TMED10: variants seen among roughly 807,000 people sequenced by gnomAD.
TMED10 encodes the protein transmembrane p24 trafficking protein 10.
Under a neutral mutation model 23.1 loss-of-function variants are expected in TMED10, and 7 were observed. The ratio of observed to expected loss-of-function variants is 0.30; its 90% CI spans 0.17 to 0.57. TMED10 has a LOEUF of 0.57. Ranked by LOEUF, TMED10 falls within the 20% of genes least tolerant of loss-of-function variation. The pLI, the probability that TMED10 is intolerant of heterozygous loss-of-function variation, is 0.91. For missense variants in TMED10, 162 were observed against 274.8 expected (o/e 0.59, Z 2.90); for synonymous variants, 113 against 106.9 (o/e 1.06, Z -0.35).
Position 75,133,927 on chromosome 14 carries a change from C to G in TMED10, c.*958G>C. On this transcript the variant is annotated 3_prime_UTR_variant, in exon 5 of 5. Transcript: ENST00000303575. ...TTTTTAAAAGAAAAAAAGGAAGAAA[C>G]TATTCATACATGCAACAACTTGGAT... The G allele has an allele frequency of 3.3e-6, 1 of 299,576 alleles. No individual in the cohort carries two copies. The highest frequency in any genetic ancestry group is 6.3e-6 in the Non-Finnish European group (1 of 158,890). The allele number at this position is 299,576 out of a possible 1,614,324, so 18.6% of individuals were successfully genotyped here. A position where few individuals can be genotyped will look rare whatever the true frequency, so the allele number is the denominator to read the frequency against.
intron 3 of TMED10, among the ~76,000 whole-genome samples, chr14:75,147,185 G>GTTTTTTTTTTGTTTTTTTTT (rs1491353231): frequency 5.1e-5 from 6 of 116,634 alleles, no homozygotes; most frequent in African/African-American, 2.3e-4. Flanking sequence ...CTTCAAGGCT[G>GTTTTTTTTTTGTTTTTTTTT]TTTTTTTTTT....
chr14:75,176,108 C>G, intron 1 of TMED10: 1 of 567,328 alleles, frequency 1.8e-6, no homozygotes, highest in Non-Finnish European at 3.2e-6. Flanking sequence ...ACCGCCCCAG[C>G]TCAGGTGTCA....
chr14:75,132,384 T>TTCCC lies in TMED10; in HGVS notation c.*2500_*2501insGGGA, dbSNP rs1555355307. The TTCCC allele has an allele frequency of 5.7e-5, 3 of 52,890 alleles. No homozygotes were observed. The highest frequency in any genetic ancestry group is 7.8e-5 in the African/African-American group (1 of 12,878). 3.3% of individuals were successfully genotyped at this position (52,890 alleles called of 1,614,324 possible). A position where few individuals can be genotyped will look rare whatever the true frequency, so the allele number is the denominator to read the frequency against. On this transcript the variant is annotated 3_prime_UTR_variant, in exon 5 of 5. Transcript: ENST00000303575. ...GCCTGGGCGTTGCAGCAAGACTCCGTCCCCCCCCCCCCAAAAAAAAAAAAG... is the reference window on the plus strand; with the variant it reads ...GCCTGGGCGTTGCAGCAAGACTCCGTTCCCCCCCCCCCCCCCAAAAAAAAAAAAG...
At chr14:75,152,992 T>C (rs974703162) in intron 1 of TMED10, among the ~76,000 whole-genome samples, 3 of 152,118 alleles carry the variant, frequency 2.0e-5, no homozygotes, top group African/African-American at 7.2e-5. Context: ...CGCAGTGGCA[T>C]ATGCCTGTAG....
intron 1 of TMED10, among the ~76,000 whole-genome samples, chr14:75,164,018 GT>G (rs1291697163): frequency 6.6e-6 from 1 of 152,048 alleles, no homozygotes. Context: ...TGTTATAACT[GT>G]TGGTGATAAC....
chr14:75,175,485 G>A (rs1286580562), intron 1 of TMED10, among the ~76,000 whole-genome samples: 2 of 151,538 alleles, frequency 1.3e-5, no homozygotes, highest in Non-Finnish European at 2.9e-5. Context: ...CTATTCCATC[G>A]CAAGGACAGA....
At chr14:75,153,224 G>A (rs1024257893) in intron 1 of TMED10, among the ~76,000 whole-genome samples, 6 of 152,016 alleles carry the variant, frequency 3.9e-5, no homozygotes, top group African/African-American at 1.4e-4. Context: ...CAGGTACTGG[G>A]AAGCTTGCCG....
intron 1 of TMED10, among the ~76,000 whole-genome samples, chr14:75,165,419 G>C (rs1181301614): frequency 6.6e-6 from 1 of 151,946 alleles, no homozygotes; most frequent in East Asian, 1.9e-4. Context: ...GTAGAGACAG[G>C]GTTTCACCAT....
At chr14:75,170,465 C>G (rs946420162) in intron 1 of TMED10, among the ~76,000 whole-genome samples, 1 of 152,054 alleles carries the variant, frequency 6.6e-6, no homozygotes, top group Non-Finnish European at 1.5e-5. Context: ...GCCTAGAACA[C>G]TTTGTTGTGC....
intron 1 of TMED10, among the ~76,000 whole-genome samples, chr14:75,160,151 T>G (rs146240550): frequency 5.3e-5 from 8 of 152,350 alleles, no homozygotes; most frequent in Non-Finnish European, 1.2e-4. Context: ...ATATGGCCTG[T>G]TTGGGCATTC....
At position 75,134,327 on chromosome 14, in the gene TMED10, T is replaced by C. The variant is rs539946453; in HGVS notation, c.*558A>G. The C allele has an allele frequency of 6.5e-6, 1 of 154,422 alleles. No homozygotes were observed. Among genetic ancestry groups the C allele is most frequent in the African/African-American group, 2.4e-5 (1 of 41,600 alleles). The allele number at this position is 154,422 out of a possible 1,614,324, so 9.6% of individuals were successfully genotyped here. A position where few individuals can be genotyped will look rare whatever the true frequency, so the allele number is the denominator to read the frequency against. ...ATCTACAGTTCAAAGCTCACTTTTA[T>C]GAGGTGTCACATCCATCACCATTTT... On this transcript the variant is annotated 3_prime_UTR_variant, in exon 5 of 5. Coordinates refer to ENST00000303575, the MANE Select transcript of TMED10 (RefSeq NM_006827.6).
intron 1 of TMED10, among the ~76,000 whole-genome samples, chr14:75,172,987 G>T (rs944731785): frequency 2.0e-5 from 3 of 152,148 alleles, no homozygotes; most frequent in Non-Finnish European, 4.4e-5. Flanking sequence ...CATGGCCCTC[G>T]GGTGGGCCGG....
chr14:75,142,696 T>C (rs560455732), intron 3 of TMED10, among the ~76,000 whole-genome samples: 1 of 152,182 alleles, frequency 6.6e-6, no homozygotes, highest in Non-Finnish European at 1.5e-5. Context: ...GTTTATATAG[T>C]CGTAAAGACC....
intron 1 of TMED10, among the ~76,000 whole-genome samples, chr14:75,156,783 G>T (rs1376213560): frequency 6.6e-6 from 1 of 151,960 alleles, no homozygotes; most frequent in Non-Finnish European, 1.5e-5. Context: ...ACAAAAATTA[G>T]TTGGGCATGG....
chr14:75,172,071 T>G (rs2089349925), intron 1 of TMED10, among the ~76,000 whole-genome samples: 1 of 151,992 alleles, frequency 6.6e-6, no homozygotes, highest in Non-Finnish European at 1.5e-5. Context: ...ACAAAAAATA[T>G]AGTGGAAGAA....
chr14:75,159,011 A>G (rs1031436281), intron 1 of TMED10, among the ~76,000 whole-genome samples: 1 of 152,164 alleles, frequency 6.6e-6, no homozygotes, highest in Non-Finnish European at 1.5e-5. Context: ...CCAAATCACA[A>G]AGTAATGTGT....
In TMED10 at chr14:75,160,481, G is replaced by GT. The variant is rs368514159; in HGVS notation, c.226-8339dup. Among the ~76,000 whole-genome samples the GT allele has an allele frequency of 1.1e-4, 17 of 149,650 alleles. No homozygotes were observed. The East Asian group carries it at 1.6e-3, about 14-fold the overall frequency. The stretch of plus-strand genomic sequence containing the variant: ...CATCTGGTTTCTCAAGAAGTGAGAG[G>GT]TTTTTTTTTTCTTCTTAAATTGTCC... On this transcript the variant is annotated intron_variant, in intron 1 of 4. Transcript: ENST00000303575.
At chr14:75,140,293 G>A (rs1265295523) in intron 3 of TMED10, among the ~76,000 whole-genome samples, 1 of 152,034 alleles carries the variant, frequency 6.6e-6, no homozygotes, top group African/African-American at 2.4e-5. Context: ...TAGAGACAGG[G>A]TTTCACCATG....
intron 1 of TMED10, among the ~76,000 whole-genome samples, chr14:75,165,927 T>A (rs1224967769): frequency 1.3e-5 from 2 of 150,908 alleles, no homozygotes; most frequent in South Asian, 4.2e-4. Context: ...CCTGCTTCTA[T>A]CAGCATTTGC....
Sources: gnomAD v4.1 joint callset for allele counts (sites outside exome capture counted in the v4.1 genomes callset) on GRCh38, gnomAD v4.1.1 for gene constraint, MANE v1.5 for transcripts, NCBI Gene and HGNC (gene_info 2026-07-23, HGNC 2026-07-21) for gene names.